Variants in KIR3DL3 observed in about 807,000 individuals in gnomAD.
KIR3DL3 encodes the protein killer cell immunoglobulin like receptor, three Ig domains and long cytoplasmic tail 3.
KIR3DL3 carries 27 observed loss-of-function variants against 34.9 expected under a neutral mutation model. The ratio of observed to expected loss-of-function variants is 0.77; its 90% CI spans 0.57 to 1.07. The LOEUF is 1.07. Among genes scored for constraint, KIR3DL3 ranks in the 50% least tolerant of loss-of-function variants. The pLI is 0.00. For synonymous variants in KIR3DL3, 217 were observed against 200.2 expected (o/e 1.08, Z -0.71); for missense variants, 681 against 528.5 (o/e 1.29, Z -2.83).
intron 4 of KIR3DL3, among the ~76,000 whole-genome samples, chr19:54,728,729 C>A: frequency 6.7e-6 from 1 of 150,348 alleles, no homozygotes; most frequent in Non-Finnish European, 1.5e-5. Flanking sequence ...GAGGGAGGGG[C>A]ACAAAGACAG....
In KIR3DL3 at chr19:54,735,266, C is replaced by A. The variant is rs753156589; in HGVS notation, c.963C>A (p.Asn321Lys). The change falls in exon 6 of 8, where the codon AAC becomes AAA. Residue 321 changes from asparagine (N) to lysine (K), a missense_variant. Transcript: ENST00000291860. The part of the protein sequence containing the change: ...LPVSVTGNSR[N>K]LHVLIGTSVV... ...GTCTTCCTCCAGGTAACTCCAGAAA[C>A]CTGCACGTTCTGATTGGGACCTCAG... 2 of 1,505,082 alleles carry A rather than the reference C, an allele frequency of 1.3e-6. No individual in the cohort carries two copies. The highest frequency in any genetic ancestry group is 1.2e-5 in the South Asian group (1 of 86,676). The allele number at this position is 1,505,082 out of a possible 1,614,324, so 93.2% of individuals were successfully genotyped here.
chr19:54,734,942 A>G (rs1225937753), intron 5 of KIR3DL3, among the ~76,000 whole-genome samples: 1 of 142,424 alleles, frequency 7.0e-6, no homozygotes, highest in Non-Finnish European at 1.5e-5. Context: ...TTGGAACAGC[A>G]TTGATCTGTT....
intron 1 of KIR3DL3, among the ~76,000 whole-genome samples, chr19:54,724,827 C>T (rs879062447): frequency 4.6e-5 from 5 of 109,750 alleles, no homozygotes; most frequent in Admixed American, 3.1e-4. Flanking sequence ...AATTGAGATA[C>T]GGGCCTGGAG....
At chr19:54,734,503 T>A (rs1394459448) in intron 5 of KIR3DL3, among the ~76,000 whole-genome samples, 1 of 151,562 alleles carries the variant, frequency 6.6e-6, no homozygotes, top group East Asian at 1.9e-4. Context: ...CCAGCCTGGG[T>A]TTTGTACCCT....
In KIR3DL3 at chr19:54,726,114, T is replaced by C; in HGVS notation, c.132T>C (p.His44=). ...WPGTVVSEGQ[H]VTLQCRSRLG... ...GCACTGTGGTGTCTGAAGGACAACA[T>C]GTGACTCTTCAGTGTCGCTCTCGTC... Residue 44 remains histidine, a synonymous_variant, in exon 3 of 8, where the codon CAT becomes CAC. Coordinates refer to ENST00000291860, the MANE Select transcript of KIR3DL3 (RefSeq NM_153443.5). The C allele has an allele frequency of 6.2e-7, 1 of 1,613,478 alleles. No individual in the cohort carries two copies. The highest frequency in any genetic ancestry group is 8.5e-7 in the Non-Finnish European group (1 of 1,179,794).
chr19:54,734,237 T>C (rs1226080047), intron 5 of KIR3DL3, among the ~76,000 whole-genome samples: 1 of 151,684 alleles, frequency 6.6e-6, no homozygotes, highest in Non-Finnish European at 1.5e-5. Context: ...CAATCCAGTC[T>C]TCCCAGAGAA....
chr19:54,726,426 C>T, intron 3 of KIR3DL3, 89 bp downstream of exon 3: 5 of 1,492,054 alleles, frequency 3.4e-6, no homozygotes, highest in South Asian at 2.6e-5. Context: ...TCCAATCATC[C>T]AGGCCCCGAC....
chr19:54,730,575 A>AAATT (rs1295833966), intron 5 of KIR3DL3, among the ~76,000 whole-genome samples: 7 of 151,758 alleles, frequency 4.6e-5, no homozygotes, highest in African/African-American at 1.2e-4. Context: ...CACTCTCTCA[A>AAATT]AATTAATTAA....
chr19:54,733,303 G>A (rs1394515171), intron 5 of KIR3DL3, among the ~76,000 whole-genome samples: 1 of 151,922 alleles, frequency 6.6e-6, no homozygotes, highest in Non-Finnish European at 1.5e-5. Flanking sequence ...AGGCCAAGGC[G>A]GGTAGATCAC....
At chr19:54,734,508 T>C (rs2069215774) in intron 5 of KIR3DL3, among the ~76,000 whole-genome samples, 1 of 151,846 alleles carries the variant, frequency 6.6e-6, no homozygotes, top group Non-Finnish European at 1.5e-5. Flanking sequence ...CTGGGTTTTG[T>C]ACCCTGGAGC....
intron 5 of KIR3DL3, among the ~76,000 whole-genome samples, 189 bp downstream of exon 5, chr19:54,729,975 T>G (rs35590954): frequency 0.79 from 114,429 of 143,960 alleles, 45,881 homozygotes; most frequent in East Asian, 0.99. Flanking sequence ...CCTGCAAGGA[T>G]GCCCTTGATC....
intron 5 of KIR3DL3, among the ~76,000 whole-genome samples, chr19:54,734,533 A>G (rs568881304): frequency 2.6e-5 from 4 of 151,982 alleles, no homozygotes; most frequent in Admixed American, 2.6e-4. Context: ...GGAAGCACTC[A>G]GCTAAAGCAC....
rs539474138 is a variant in KIR3DL3, at chr19:54,735,563, C to T, written c.1054+206C>T. 8.1e-3 allele frequency among the ~76,000 whole-genome samples: 1,026 copies of T among 125,948 alleles called. 10 individuals carry two copies. Among genetic ancestry groups the T allele is most frequent in the Middle Eastern group, 0.033 (8 of 240 alleles). 82.6% of individuals were successfully genotyped at this position (125,948 alleles called of 152,430 possible). On this transcript the variant is annotated intron_variant, in intron 6 of 7. Transcript: ENST00000291860. Reference sequence around the variant, plus strand: ...TGCCTGATTCTGAACCGTATCCTCACATCCCCTGCAGCCACTCACATCCAG... The same window carrying T: ...TGCCTGATTCTGAACCGTATCCTCATATCCCCTGCAGCCACTCACATCCAG...
intron 2 of KIR3DL3, among the ~76,000 whole-genome samples, 185 bp downstream of exon 2, chr19:54,725,467 C>T (rs916807371): frequency 7.2e-5 from 11 of 152,136 alleles, no homozygotes; most frequent in Non-Finnish European, 1.0e-4. Flanking sequence ...TAGCCCTCCC[C>T]GGCCTTTCTT....
At chr19:54,735,194 C>T (rs2069346461) in intron 5 of KIR3DL3, 59 bp from the exon 6 acceptor site, 1 of 1,257,468 alleles carries the variant, frequency 8.0e-7, no homozygotes. Flanking sequence ...AAATGTGAGA[C>T]AATTCATATA....
chr19:54,730,740 C>A (rs2068705367), intron 5 of KIR3DL3, among the ~76,000 whole-genome samples: 1 of 152,172 alleles, frequency 6.6e-6, no homozygotes, highest in African/African-American at 2.4e-5. Context: ...CAGTTCCATT[C>A]ATGTGGCTGT....
Position 54,735,808 on chromosome 19 carries a change from C to T in KIR3DL3, c.1055-12C>T, listed in dbSNP as rs199782955. The T allele has an allele frequency of 5.0e-3, 8,010 of 1,607,708 alleles. 47 individuals carry two copies. Among genetic ancestry groups the T allele is most frequent in the Non-Finnish European group, 6.3e-3 (7,397 of 1,178,244 alleles). ...CCCTCCGAGCTGTTTTGACGACTTCCGTCTTCTACAGATGCTGTTGTAATG... is the reference window on the plus strand; with the variant it reads ...CCCTCCGAGCTGTTTTGACGACTTCTGTCTTCTACAGATGCTGTTGTAATG... On this transcript the variant is annotated splice_polypyrimidine_tract_variant and intron_variant, in intron 6 of 7. Transcript: ENST00000291860.
At chr19:54,728,988 T>C (rs1270823818) in intron 4 of KIR3DL3, among the ~76,000 whole-genome samples, 1 of 123,328 alleles carries the variant, frequency 8.1e-6, no homozygotes, top group Non-Finnish European at 1.9e-5. Context: ...TAAATAGATA[T>C]AGAGAGATAG....
rs1195703200 is a variant in KIR3DL3 at position 54,725,273 on chromosome 19, C to A, written c.61C>A (p.Pro21Thr). ...GTTCTTCTTGCTGGAGGGGCCCTGG[C>A]CACATGTGGGTGAGTCCTTCCCCCA... Reference protein sequence around the residue: ...VGFFLLEGPWPHVGGQDKPFL... With the variant: ...VGFFLLEGPWTHVGGQDKPFL... The change falls in exon 2 of 8, where the codon CCA becomes ACA. Residue 21 changes from proline to threonine, a missense_variant. Physicochemically the swap from Pro to Thr is conservative, Grantham distance 38. Transcript: ENST00000291860. The A allele has an allele frequency of 1.3e-5, 21 of 1,589,626 alleles. No individual in the cohort carries two copies. The highest frequency in any genetic ancestry group is 1.8e-5 in the Non-Finnish European group (21 of 1,166,610).
Sources: allele counts gnomAD v4.1 joint callset (sites outside exome capture counted in the v4.1 genomes callset), GRCh38; gene constraint gnomAD v4.1.1; transcripts MANE v1.5; gene names NCBI Gene and HGNC (gene_info 2026-07-23, HGNC 2026-07-21).